EFEMP2: variants seen among roughly 807,000 people sequenced by gnomAD.
EFEMP2 encodes EGF-like fibulin extracellular matrix protein 2, also known as EGF-containing fibulin-like extracellular matrix protein 2.
In EFEMP2, 21 loss-of-function variants were observed where a neutral mutation model predicts 55.3. The ratio of observed to expected loss-of-function variants is 0.38; its 90% confidence interval spans 0.27 to 0.55. The LOEUF (loss-of-function observed/expected upper bound fraction) is 0.55. Ranked by LOEUF, EFEMP2 falls within the 20% of genes least tolerant of loss-of-function variation. The pLI is 0.77. For missense variants in EFEMP2, 513 were observed against 615.1 expected (o/e 0.83, Z 1.76); for synonymous variants, 275 against 242.3 (o/e 1.14, Z -1.25).
rs957290215 is a variant in EFEMP2 at position 65,866,621 on chromosome 11, G to A, written c.*297C>T. The A allele has an allele frequency of 1.1e-5, 8 of 702,936 alleles. No individual in the cohort carries two copies. The highest frequency in any genetic ancestry group is 2.1e-5 in the Non-Finnish European group (8 of 385,148). 43.5% of individuals were successfully genotyped at this position (702,936 alleles called of 1,614,324 possible). A position where few individuals can be genotyped will look rare whatever the true frequency, so the allele number is the denominator to read the frequency against. Reference sequence around the variant, plus strand: ...GTCCAAATCTCTGGGCCGGGGCCTGGAGTCCGCCCTCCTCGTTACCTCCTC... The same window carrying A: ...GTCCAAATCTCTGGGCCGGGGCCTGAAGTCCGCCCTCCTCGTTACCTCCTC... On this transcript the variant is annotated 3_prime_UTR_variant, in exon 11 of 11. Coordinates refer to ENST00000307998, the MANE Select transcript of EFEMP2 (RefSeq NM_016938.5).
At chr11:65,867,216 G>A (rs907543044) in intron 10 of EFEMP2, 137 bp from the exon 11 acceptor site, 1 of 996,388 alleles carries the variant, frequency 1.0e-6, no homozygotes, top group Non-Finnish European at 1.5e-6. Context: ...AGCCTCTCAT[G>A]CAGCTCTTTG....
intron 7 of EFEMP2, 111 bp from the exon 8 acceptor site, chr11:65,868,740 CAG>C: frequency 6.8e-7 from 1 of 1,461,622 alleles, no homozygotes; most frequent in Non-Finnish European, 9.4e-7. Context: ...TGTAGGAAGA[CAG>C]AGGGGGATGA....
rs543697634 is a variant in EFEMP2 at position 65,867,098 on chromosome 11, G to T, written c.1171-19C>A. 1.2e-6 allele frequency: 2 copies of T among 1,613,604 alleles called. No individual in the cohort carries two copies. The highest frequency in any genetic ancestry group is 8.5e-7 in the Non-Finnish European group (1 of 1,179,972). On this transcript the variant is annotated intron_variant, in intron 10 of 10. Coordinates refer to ENST00000307998, the MANE Select transcript of EFEMP2 (RefSeq NM_016938.5). ...TGATTTGCTGCAGGGCAGTGGGTGGGGGGACATATATATTGTGTCAGCCTG... is the reference window on the plus strand; with the variant it reads ...TGATTTGCTGCAGGGCAGTGGGTGGTGGGACATATATATTGTGTCAGCCTG...
At position 65,870,662 on chromosome 11, in the gene EFEMP2, C is replaced by T. The variant is rs111550973; in HGVS notation, c.368-4G>A. The T allele has an allele frequency of 3.1e-3, 5,046 of 1,613,956 alleles. 12 individuals carry two copies. Among genetic ancestry groups the T allele is most frequent in the Non-Finnish European group, 4.1e-3 (4,828 of 1,180,004 alleles). The stretch of plus-strand genomic sequence containing the variant: ...GCCTGGGCACACTCGTCCACATCTG[C>T]GAGAGACACCACTCAGCCCCTGCCT... On this transcript the variant is annotated splice_region_variant and splice_polypyrimidine_tract_variant and intron_variant, in intron 4 of 10. Coordinates refer to ENST00000307998, the MANE Select transcript of EFEMP2 (RefSeq NM_016938.5).
chr11:65,868,127 G>A, intron 9 of EFEMP2, 71 bp from the exon 10 acceptor site: 1 of 1,577,912 alleles, frequency 6.3e-7, no homozygotes, highest in Non-Finnish European at 8.6e-7. Flanking sequence ...ACCCTACAAA[G>A]GGAGGGAATC....
chr11:65,866,913 G>C lies in EFEMP2; in HGVS notation c.*5C>G. On this transcript the variant is annotated 3_prime_UTR_variant, in exon 11 of 11. Coordinates refer to ENST00000307998, the MANE Select transcript of EFEMP2 (RefSeq NM_016938.5). ...GCTGCAGGGAGGGTGGCTCCCTCCTGCTCCTCAGAAGGTGTAGGCCCCTAC... is the reference window on the plus strand; with the variant it reads ...GCTGCAGGGAGGGTGGCTCCCTCCTCCTCCTCAGAAGGTGTAGGCCCCTAC... The C allele has an allele frequency of 1.2e-6, 2 of 1,614,068 alleles. No homozygotes were observed. Among genetic ancestry groups the C allele is most frequent in the South Asian group, 1.1e-5 (1 of 91,076 alleles).
chr11:65,872,405 C>T (rs1399756994), intron 1 of EFEMP2, 44 bp from the exon 2 acceptor site: 2 of 1,360,928 alleles, frequency 1.5e-6, no homozygotes, highest in East Asian at 2.5e-5. Context: ...GCCCGCGGCA[C>T]CTCAACTCCC....
intron 10 of EFEMP2, 104 bp downstream of exon 10, chr11:65,867,743 CGGGGGCGGGGCTTT>C: frequency 8.7e-7 from 1 of 1,149,440 alleles, no homozygotes; most frequent in Non-Finnish European, 1.3e-6. Context: ...ACCCCGCCTC[CGGGGGCGGGGCTTT>C]GGGGGAGGGG....
chr11:65,869,009 T>G, intron 7 of EFEMP2: 2 of 320,382 alleles, frequency 6.2e-6, no homozygotes, highest in Non-Finnish European at 1.2e-5. Flanking sequence ...CAACCCACAG[T>G]CAACCTGAGC....
chr11:65,872,624 G>T (rs1356866725), intron 1 of EFEMP2, 59 bp downstream of exon 1: 3 of 279,382 alleles, frequency 1.1e-5, no homozygotes, highest in African/African-American at 6.9e-5. Context: ...CTACGCTGCC[G>T]CGGACTCGGC....
chr11:65,869,819 G>C, intron 7 of EFEMP2, 38 bp downstream of exon 7: 2 of 1,612,532 alleles, frequency 1.2e-6, no homozygotes, highest in Non-Finnish European at 1.7e-6. Context: ...GGGCCTGGGG[G>C]TCCACAGAGG....
rs139948139 is a variant in EFEMP2, at chr11:65,867,314, G to C, written c.1171-235C>G. 37 of 585,670 alleles carry C rather than the reference G, an allele frequency of 6.3e-5. No individual in the cohort carries two copies. The African/African-American group carries it at 6.3e-4, about 10-fold the overall frequency. 36.3% of individuals were successfully genotyped at this position (585,670 alleles called of 1,614,324 possible). On this transcript the variant is annotated intron_variant, in intron 10 of 10. Transcript: ENST00000307998. ...CTTCTCACCCTCTCCAGCCTGCTCT[G>C]TCTGACCCAGGCTAACTGACGATTC...
intron 9 of EFEMP2, 92 bp downstream of exon 9, chr11:65,868,202 AG>A: frequency 6.3e-7 from 1 of 1,587,686 alleles, no homozygotes; most frequent in South Asian, 1.1e-5. Flanking sequence ...ATCATCCCTC[AG>A]GGGCACTCGC....
Position 65,870,238 on chromosome 11 carries a change from C to T in EFEMP2, c.491-1G>A. The T allele has an allele frequency of 1.9e-6, 3 of 1,613,070 alleles. No homozygotes were observed. Among genetic ancestry groups the T allele is most frequent in the Non-Finnish European group, 2.5e-6 (3 of 1,179,888 alleles). ...TAGCGGTAGCGGCACTCGTCTATGT[C>T]TAGGGATAGAGGCAGGAGAAGGAGG... On this transcript the variant is annotated splice_acceptor_variant, in intron 5 of 10. Transcript: ENST00000307998. LOFTEE classifies it high-confidence loss of function.
At chr11:65,869,579 G>A (rs933919766) in intron 7 of EFEMP2, 3 of 484,012 alleles carry the variant, frequency 6.2e-6, no homozygotes, top group Non-Finnish European at 1.1e-5. Context: ...AAATTCAAAT[G>A]CAGGTAAATG....
intron 2 of EFEMP2, 60 bp downstream of exon 2, chr11:65,872,184 G>A: frequency 6.6e-7 from 1 of 1,512,830 alleles, no homozygotes; most frequent in Non-Finnish European, 9.0e-7. Context: ...GTCACCCTGG[G>A]TCCCGGTCTC....
intron 10 of EFEMP2, chr11:65,867,516 G>A (rs1041591366): frequency 2.3e-5 from 10 of 442,294 alleles, no homozygotes; most frequent in South Asian, 1.3e-4. Context: ...ACTGTGAGCC[G>A]CCCCTGGCCC....
chr11:65,867,866 T>C lies in EFEMP2; in HGVS notation c.1165A>G (p.Ile389Val). The C allele has an allele frequency of 1.9e-6, 3 of 1,613,982 alleles. No homozygotes were observed. The highest frequency in any genetic ancestry group is 2.5e-6 in the Non-Finnish European group (3 of 1,179,980). ...RAGNSQGDFY[I>V]RQINNVSAML... ...GAGGGTTGCAGAAACCTTACCCTAATGTAAAAGTCCCCCTGCGAGTTTCCA... is the reference window on the plus strand; with the variant it reads ...GAGGGTTGCAGAAACCTTACCCTAACGTAAAAGTCCCCCTGCGAGTTTCCA... The change falls in exon 10 of 11, where the codon ATT (isoleucine) becomes GTT (valine). Residue 389 changes from isoleucine (I) to valine (V), a missense_variant. Ile to Val is a conservative substitution (Grantham distance 29, BLOSUM62 3). Transcript: ENST00000307998.
rs755077773 is a variant in EFEMP2 at position 65,871,233 on chromosome 11, C to T, written c.291G>A (p.Pro97=). The part of the protein sequence containing the change: ...VINDLHGEGP[P]PPVPPAQHPN... Reference sequence around the variant, plus strand: ...GGTGTTGAGCGGGAGGCACTGGTGGCGGGGGTCCCTCGCCGTGTAGGTCGT... The same window carrying T: ...GGTGTTGAGCGGGAGGCACTGGTGGTGGGGGTCCCTCGCCGTGTAGGTCGT... Residue 97 remains proline, a synonymous_variant, in exon 4 of 11, where the codon CCG becomes CCA. Coordinates refer to ENST00000307998, the MANE Select transcript of EFEMP2 (RefSeq NM_016938.5). 40 of 1,613,866 alleles carry T rather than the reference C, an allele frequency of 2.5e-5. No homozygotes were observed. The highest frequency in any genetic ancestry group is 5.0e-5 in the Admixed American group (3 of 60,006).
Sources: allele counts gnomAD v4.1 joint callset, GRCh38; gene constraint gnomAD v4.1.1; transcripts MANE v1.5; gene names NCBI Gene and HGNC (gene_info 2026-07-23, HGNC 2026-07-21).